The following CTNNA3 variants were observed in gnomAD, a reference collection of about 807,000 sequenced individuals.
CTNNA3 encodes the protein catenin alpha 3.
CTNNA3 carries 76 observed loss-of-function variants against 95.7 expected under a neutral mutation model. The ratio of observed to expected loss-of-function variants is 0.79; its 90% CI spans 0.66 to 0.96. CTNNA3 has a LOEUF of 0.96. Ranked by LOEUF, CTNNA3 falls within the 40% of genes least tolerant of loss-of-function variation. The probability of loss-of-function intolerance (pLI) is 0.00; values close to 1 mark genes in which losing one functional copy is unlikely to be tolerated. For synonymous variants in CTNNA3, 431 were observed against 374.4 expected (o/e 1.15, Z -1.74); for missense variants, 1,191 against 1,089.8 (o/e 1.09, Z -1.31).
chr10:67,050,326 G>A (rs185577775), intron 7 of CTNNA3, among the ~76,000 whole-genome samples: 2 of 151,882 alleles, frequency 1.3e-5, no homozygotes, highest in African/African-American at 4.8e-5. Flanking sequence ...TTGAGCGTTC[G>A]GTCTACTTTT....
intron 13 of CTNNA3, among the ~76,000 whole-genome samples, chr10:66,183,741 T>C (rs1352962798): frequency 1.3e-5 from 2 of 152,214 alleles, no homozygotes; most frequent in Admixed American, 1.3e-4. Flanking sequence ...TGACTTTTTT[T>C]CTTTTTGGTT....
chr10:66,571,425 A>C (rs953845882), intron 10 of CTNNA3, among the ~76,000 whole-genome samples: 1 of 152,180 alleles, frequency 6.6e-6, no homozygotes, highest in Non-Finnish European at 1.5e-5. Flanking sequence ...TCCTGTGAGG[A>C]AAACAGGGCA....
chr10:66,679,917 CAG>C (rs1481460113), intron 9 of CTNNA3, among the ~76,000 whole-genome samples: 1 of 152,140 alleles, frequency 6.6e-6, no homozygotes, highest in Non-Finnish European at 1.5e-5. Context: ...TTCTCCAAAA[CAG>C]AATTATTTAT....
At chr10:66,573,913 A>G (rs144735291) in intron 10 of CTNNA3, among the ~76,000 whole-genome samples, 1 of 152,242 alleles carries the variant, frequency 6.6e-6, no homozygotes, top group East Asian at 1.9e-4. Context: ...AAGCTGTACT[A>G]CTGATGTACT....
intron 5 of CTNNA3, among the ~76,000 whole-genome samples, chr10:67,336,203 C>G (rs1841990616): frequency 1.3e-5 from 2 of 152,076 alleles, no homozygotes; most frequent in Admixed American, 1.3e-4. Context: ...TTTTTTATTC[C>G]TTGAGATACA....
At chr10:67,487,040 A>G (rs925591354) in intron 5 of CTNNA3, among the ~76,000 whole-genome samples, 1 of 152,162 alleles carries the variant, frequency 6.6e-6, no homozygotes, top group Non-Finnish European at 1.5e-5. Context: ...CCCAGCCATG[A>G]TGAGGCCCCA....
intron 2 of CTNNA3, among the ~76,000 whole-genome samples, chr10:67,642,809 A>T (rs1169091957): frequency 6.6e-6 from 1 of 152,206 alleles, no homozygotes. Flanking sequence ...CTTATTAAAA[A>T]GTCAAAAAAC....
At position 66,872,671 on chromosome 10, in the gene CTNNA3, A is replaced by AAATAATAAT. The variant is rs35006931; in HGVS notation, c.1048-97156_1048-97148dup. ...GTGACAGAACGAGACCCCGTCTCAA[A>AAATAATAAT]AATAATAATAATAATAATAATAATT... On this transcript the variant is annotated intron_variant, in intron 7 of 17. Coordinates refer to ENST00000433211, the MANE Select transcript of CTNNA3 (RefSeq NM_013266.4). 7.4e-3 allele frequency among the ~76,000 whole-genome samples: 1,074 copies of AAATAATAAT among 145,538 alleles called. 18 individuals are homozygous for AAATAATAAT. The highest frequency in any genetic ancestry group is 0.026 in the African/African-American group (954 of 37,390).
intron 7 of CTNNA3, among the ~76,000 whole-genome samples, chr10:66,883,549 T>A (rs1276051173): frequency 6.6e-6 from 1 of 152,168 alleles, no homozygotes; most frequent in Non-Finnish European, 1.5e-5. Context: ...GTGCCTTACA[T>A]GTATGACCTC....
At chr10:66,399,119 A>G (rs1347203608) in intron 11 of CTNNA3, among the ~76,000 whole-genome samples, 1 of 151,998 alleles carries the variant, frequency 6.6e-6, no homozygotes, top group Non-Finnish European at 1.5e-5. Flanking sequence ...TTAGATGTAA[A>G]ATAATAATCT....
At chr10:66,200,650 T>G (rs2087338111) in intron 13 of CTNNA3, among the ~76,000 whole-genome samples, 2 of 152,226 alleles carry the variant, frequency 1.3e-5, no homozygotes, top group African/African-American at 2.4e-5. Context: ...TAATTTCTAA[T>G]TTATGACCAC....
intron 9 of CTNNA3, among the ~76,000 whole-genome samples, chr10:66,702,837 T>C (rs1847999101): frequency 6.6e-6 from 1 of 151,996 alleles, no homozygotes; most frequent in South Asian, 2.1e-4. Context: ...CTGTTATAAA[T>C]GTACAGTGCT....
chr10:67,644,714 T>C (rs895946575), intron 2 of CTNNA3, among the ~76,000 whole-genome samples: 1 of 151,988 alleles, frequency 6.6e-6, no homozygotes, highest in Non-Finnish European at 1.5e-5. Flanking sequence ...TTAAATAGAA[T>C]TCTGCTTTAT....
intron 5 of CTNNA3, among the ~76,000 whole-genome samples, chr10:67,470,313 T>G (rs990833033): frequency 9.2e-5 from 14 of 152,224 alleles, no homozygotes; most frequent in African/African-American, 3.4e-4. Flanking sequence ...TACTCCATTG[T>G]GTATAAGTAC....
chr10:67,638,466 C>T (rs1258647633), intron 2 of CTNNA3, among the ~76,000 whole-genome samples: 2 of 152,154 alleles, frequency 1.3e-5, no homozygotes, highest in Admixed American at 6.6e-5. Context: ...AGAAAGTTAA[C>T]AAGGATATCC....
chr10:67,003,039 G>A (rs1338214773), intron 7 of CTNNA3, among the ~76,000 whole-genome samples: 1 of 152,010 alleles, frequency 6.6e-6, no homozygotes, highest in Non-Finnish European at 1.5e-5. Context: ...ATAATGCCAT[G>A]GTTATGTTCA....
At chr10:67,364,567 T>C (rs932987494) in intron 5 of CTNNA3, among the ~76,000 whole-genome samples, 2 of 152,090 alleles carry the variant, frequency 1.3e-5, no homozygotes, top group Non-Finnish European at 2.9e-5. Context: ...TCACAAGCAT[T>C]CCTATACACC....
At chr10:66,152,011 C>G (rs1015738087) in intron 13 of CTNNA3, among the ~76,000 whole-genome samples, 1 of 151,822 alleles carries the variant, frequency 6.6e-6, no homozygotes. Flanking sequence ...TTCAGATAAT[C>G]CAAATAACCA....
intron 13 of CTNNA3, among the ~76,000 whole-genome samples, chr10:66,183,672 G>C (rs7076667): frequency 6.6e-6 from 1 of 151,988 alleles, no homozygotes. Flanking sequence ...AGCAGTTTTC[G>C]AGAGTTTTTA....
Sources: gnomAD v4.1 joint callset for allele counts (sites outside exome capture counted in the v4.1 genomes callset) on GRCh38, gnomAD v4.1.1 for gene constraint, MANE v1.5 for transcripts, NCBI Gene and HGNC (gene_info 2026-07-23, HGNC 2026-07-21) for gene names.